CTNNA3: variants seen among roughly 807,000 people sequenced by gnomAD.
CTNNA3 encodes catenin alpha-3.
CTNNA3 carries 76 observed loss-of-function variants against 95.7 expected under a neutral mutation model. That is an observed-to-expected ratio of 0.79 (90% CI 0.66 to 0.96). CTNNA3 has a LOEUF of 0.96. CTNNA3 is among the 40% of genes least tolerant of loss of function. The pLI, the probability that CTNNA3 is intolerant of heterozygous loss-of-function variation, is 0.00. For missense variants in CTNNA3, 1,191 were observed against 1,089.8 expected (o/e 1.09, Z -1.31); for synonymous variants, 431 against 374.4 (o/e 1.15, Z -1.74).
chr10:66,222,695 GGAAGGAAAGGGAAGGGAA>G (rs1268768821), intron 13 of CTNNA3, among the ~76,000 whole-genome samples: 1 of 148,112 alleles, frequency 6.8e-6, no homozygotes, highest in Non-Finnish European at 1.5e-5. Flanking sequence ...AAGGGAGGGA[GGAAGGAAAGGGAAGGGAA>G]GAAGGGAGAA....
chr10:66,157,048 T>A (rs1405401671), intron 13 of CTNNA3, among the ~76,000 whole-genome samples: 1 of 151,960 alleles, frequency 6.6e-6, no homozygotes, highest in Admixed American at 6.6e-5. Context: ...TTTCCTTTTT[T>A]AAAATTTTTC....
chr10:66,489,761 A>C (rs1356748043), intron 11 of CTNNA3, among the ~76,000 whole-genome samples: 1 of 152,206 alleles, frequency 6.6e-6, no homozygotes, highest in African/African-American at 2.4e-5. Context: ...AAGGAGCCAG[A>C]GTCTCCAAAC....
intron 16 of CTNNA3, among the ~76,000 whole-genome samples, chr10:65,982,828 G>T (rs1450603223): frequency 6.6e-6 from 1 of 150,796 alleles, no homozygotes; most frequent in South Asian, 2.1e-4. Flanking sequence ...TTTAAAATAC[G>T]CATATTGTCA....
intron 7 of CTNNA3, among the ~76,000 whole-genome samples, chr10:66,788,648 A>G (rs1840844142): frequency 6.6e-6 from 1 of 152,184 alleles, no homozygotes; most frequent in African/African-American, 2.4e-5. Context: ...AGGGAAACAG[A>G]GCTAAATGAA....
intron 12 of CTNNA3, among the ~76,000 whole-genome samples, chr10:66,312,485 A>T (rs557512916): frequency 1.3e-5 from 2 of 151,766 alleles, no homozygotes; most frequent in Non-Finnish European, 2.9e-5. Flanking sequence ...GGGGGAGTAT[A>T]TATGAAGGCT....
chr10:66,494,270 T>C (rs1035096914), intron 11 of CTNNA3, among the ~76,000 whole-genome samples: 2 of 152,160 alleles, frequency 1.3e-5, no homozygotes, highest in Non-Finnish European at 2.9e-5. Flanking sequence ...AATTTGTTGC[T>C]CAATAGAAAT....
intron 7 of CTNNA3, among the ~76,000 whole-genome samples, chr10:67,113,130 T>C (rs1272847111): frequency 6.6e-6 from 1 of 152,230 alleles, no homozygotes; most frequent in Non-Finnish European, 1.5e-5. Flanking sequence ...TCCTGTTTTG[T>C]TAATCCTATA....
At chr10:66,915,141 G>T (rs1481530715) in intron 7 of CTNNA3, among the ~76,000 whole-genome samples, 1 of 147,754 alleles carries the variant, frequency 6.8e-6, no homozygotes, top group East Asian at 2.0e-4. Context: ...GTATAGAACT[G>T]AAGGACACGT....
intron 15 of CTNNA3, among the ~76,000 whole-genome samples, chr10:66,047,300 C>T (rs189515647): frequency 1.2e-4 from 18 of 152,260 alleles, no homozygotes; most frequent in African/African-American, 4.1e-4. Flanking sequence ...TAGGCTTCAT[C>T]CCTGGGATGC....
chr10:67,417,271 A>G (rs770445570), intron 5 of CTNNA3, among the ~76,000 whole-genome samples: 6 of 152,108 alleles, frequency 3.9e-5, no homozygotes, highest in Non-Finnish European at 7.4e-5. Context: ...TCAGTATGGG[A>G]AAAATAGACA....
chr10:66,475,744 A>G (rs1301669704), intron 11 of CTNNA3, among the ~76,000 whole-genome samples: 1 of 152,136 alleles, frequency 6.6e-6, no homozygotes, highest in Non-Finnish European at 1.5e-5. Context: ...GAAAGATAGT[A>G]ATGCTTTTAC....
intron 17 of CTNNA3, among the ~76,000 whole-genome samples, chr10:65,961,433 C>T (rs923534946): frequency 6.6e-6 from 1 of 152,130 alleles, no homozygotes; most frequent in African/African-American, 2.4e-5. Flanking sequence ...CATAATTTTG[C>T]CGGTTGCATC....
rs540842368 is a variant in CTNNA3, at chr10:66,922,219, C to T, written c.1048-146695G>A. 9.9e-5 allele frequency among the ~76,000 whole-genome samples: 15 copies of T among 152,258 alleles called. No individual in the cohort carries two copies. In the South Asian group the frequency reaches 1.9e-3, roughly 19 times the overall value. On this transcript the variant is annotated intron_variant, in intron 7 of 17. Coordinates refer to ENST00000433211, the MANE Select transcript of CTNNA3 (RefSeq NM_013266.4). ...GATATTTAACTCGTCAGGTAGTTTACGGTTTGTTCTGTATGCGATATTAAG... is the reference window on the plus strand; with the variant it reads ...GATATTTAACTCGTCAGGTAGTTTATGGTTTGTTCTGTATGCGATATTAAG...
intron 5 of CTNNA3, among the ~76,000 whole-genome samples, chr10:67,513,232 G>T (rs1433637311): frequency 2.0e-5 from 3 of 152,116 alleles, no homozygotes. Context: ...TTTCATCCTG[G>T]TAGAAAATTC....
chr10:66,517,268 T>G (rs1840895156), intron 11 of CTNNA3, among the ~76,000 whole-genome samples: 1 of 151,996 alleles, frequency 6.6e-6, no homozygotes, highest in Non-Finnish European at 1.5e-5. Context: ...GTCAGAGGCA[T>G]GTGAATCAGA....
intron 9 of CTNNA3, among the ~76,000 whole-genome samples, chr10:66,759,424 T>C (rs984607829): frequency 1.3e-5 from 2 of 152,188 alleles, no homozygotes; most frequent in Non-Finnish European, 2.9e-5. Flanking sequence ...CTTTACTCAA[T>C]AAATCACGTT....
intron 13 of CTNNA3, among the ~76,000 whole-genome samples, chr10:66,210,017 G>T (rs2088031478): frequency 6.6e-6 from 1 of 151,986 alleles, no homozygotes; most frequent in South Asian, 2.1e-4. Flanking sequence ...CTGGCTCTCG[G>T]ATCTTAAAAT....
At chr10:66,445,479 A>G (rs1488730701) in intron 11 of CTNNA3, among the ~76,000 whole-genome samples, 6 of 152,136 alleles carry the variant, frequency 3.9e-5, no homozygotes, top group South Asian at 2.1e-4. Flanking sequence ...CTGTCTCTCA[A>G]ACCACAGTGC....
intron 1 of CTNNA3, among the ~76,000 whole-genome samples, chr10:67,740,039 G>C (rs1437080589): frequency 1.3e-5 from 2 of 152,062 alleles, no homozygotes; most frequent in South Asian, 2.1e-4. Context: ...ACAAACCTGA[G>C]AAAAATGAGA....
Sources: gnomAD v4.1 joint callset for allele counts (sites outside exome capture counted in the v4.1 genomes callset) on GRCh38, gnomAD v4.1.1 for gene constraint, MANE v1.5 for transcripts, NCBI Gene and HGNC (gene_info 2026-07-23, HGNC 2026-07-21) for gene names.